ZNF254: variants seen among roughly 807,000 people sequenced by gnomAD.
The protein encoded by ZNF254 is zinc finger protein 254.
ZNF254 carries 10 observed loss-of-function variants against 12.4 expected under a neutral mutation model. That is an observed-to-expected ratio of 0.80 (90% CI 0.50 to 1.36). ZNF254 has a LOEUF of 1.36. ZNF254 is among the 40% of genes most tolerant of loss of function. ZNF254 has a pLI of 0.00. For missense variants in ZNF254, 996 were observed against 763.9 expected (o/e 1.30, Z -3.58); for synonymous variants, 305 against 253.4 (o/e 1.20, Z -1.93).
At chr19:24,104,352 A>G (rs1433056353) in intron 1 of ZNF254, 1 of 152,186 alleles carries the variant, frequency 6.6e-6, no homozygotes, top group Non-Finnish European at 1.5e-5. Flanking sequence ...AAATTTTTAA[A>G]GGCATATTGT....
intron 1 of ZNF254, among the ~76,000 whole-genome samples, chr19:24,101,216 A>T (rs1291945372): frequency 1.3e-5 from 2 of 152,014 alleles, no homozygotes; most frequent in African/African-American, 4.8e-5. Context: ...AGATCTTTTG[A>T]TTGTACTCTA....
chr19:24,122,808 A>C (rs1974574410), intron 3 of ZNF254, among the ~76,000 whole-genome samples: 1 of 149,734 alleles, frequency 6.7e-6, no homozygotes, highest in Admixed American at 6.7e-5. Flanking sequence ...ACAATGCTGC[A>C]ATAATTATCA....
At chr19:24,054,889 T>C (rs1970780240) in intron 2 of ZNF254, among the ~76,000 whole-genome samples, 1 of 152,164 alleles carries the variant, frequency 6.6e-6, no homozygotes, top group African/African-American at 2.4e-5. Context: ...CTCTCATTTA[T>C]ACTGGATAAA....
At chr19:24,076,772 C>A (rs1351067095) in intron 2 of ZNF254, among the ~76,000 whole-genome samples, 1 of 152,108 alleles carries the variant, frequency 6.6e-6, no homozygotes, top group Admixed American at 6.6e-5. Flanking sequence ...TTGTTTTATT[C>A]TGTCAAGTTT....
In ZNF254 at chr19:24,126,484, GTCT is replaced by G; in HGVS notation, c.488_490del (p.Phe163del). On this transcript the variant is annotated inframe_deletion, in exon 4 of 4. Transcript: ENST00000357002. ...ATTTCAATGTGATAAATATTTGAAA[GTCT>G]TCTATAAATTTTTAAATTCAAACAG... 1 of 1,587,478 alleles carries G rather than the reference GTCT, an allele frequency of 6.3e-7. No individual in the cohort carries two copies. Among genetic ancestry groups the G allele is most frequent in the South Asian group, 1.2e-5 (1 of 86,112 alleles).
intron 3 of ZNF254, among the ~76,000 whole-genome samples, chr19:24,121,005 G>A (rs940293130): frequency 1.3e-5 from 2 of 151,432 alleles, no homozygotes; most frequent in Admixed American, 1.3e-4. Flanking sequence ...TCTTAAAACT[G>A]CAGGATTACA....
intron 2 of ZNF254, chr19:24,066,302 ACT>A (rs1971267676): frequency 6.6e-6 from 1 of 151,936 alleles, no homozygotes; most frequent in Admixed American, 6.6e-5. Context: ...AGATGATGTG[ACT>A]CTCTTCTTCT....
intron 2 of ZNF254, among the ~76,000 whole-genome samples, chr19:24,057,193 A>G (rs934473196): frequency 6.6e-6 from 1 of 152,216 alleles, no homozygotes; most frequent in Admixed American, 6.5e-5. Context: ...TGATTTATGT[A>G]TGCACACTTT....
intron 2 of ZNF254, chr19:24,049,577 C>T (rs1200940067): frequency 6.6e-6 from 1 of 152,162 alleles, no homozygotes; most frequent in Non-Finnish European, 1.5e-5. Flanking sequence ...TGCCTTGGCA[C>T]TGCCCACAGA....
intron 1 of ZNF254, among the ~76,000 whole-genome samples, chr19:24,092,240 C>T (rs1269735764): frequency 1.3e-5 from 2 of 150,672 alleles, no homozygotes. Flanking sequence ...GATCTCGGCT[C>T]ACCTCAACCT....
At chr19:24,087,482 T>C in intron 1 of ZNF254, 145 bp downstream of exon 1, 6 of 1,056,478 alleles carry the variant, frequency 5.7e-6, no homozygotes, top group Non-Finnish European at 7.1e-6. Flanking sequence ...AGAAATAAGA[T>C]GGCGGCTGCG....
At chr19:24,090,259 A>G (rs1274971767) in intron 1 of ZNF254, among the ~76,000 whole-genome samples, 2 of 152,060 alleles carry the variant, frequency 1.3e-5, no homozygotes, top group Admixed American at 6.6e-5. Context: ...CTTGCAGAGT[A>G]AAATGCGCCT....
At position 24,106,013 on chromosome 19, in the gene ZNF254, A is replaced by T; in HGVS notation, c.104A>T (p.Gln35Leu). The change falls in exon 2 of 4, where the codon CAG becomes CTG. Residue 35 changes from glutamine to leucine, a missense_variant. Transcript: ENST00000357002. ...TGGCAACACCTGGACATTGCACAGCAGAATTTATATAGAAATGTGATGTTA... is the reference window on the plus strand; with the variant it reads ...TGGCAACACCTGGACATTGCACAGCTGAATTTATATAGAAATGTGATGTTA... The part of the protein sequence containing the change: ...EEWQHLDIAQ[Q>L]NLYRNVMLEN... 1.2e-6 allele frequency: 2 copies of T among 1,600,088 alleles called. No individual in the cohort carries two copies. The highest frequency in any genetic ancestry group is 1.7e-6 in the Non-Finnish European group (2 of 1,171,612).
intron 2 of ZNF254, among the ~76,000 whole-genome samples, chr19:24,047,465 C>T (rs1187658119): frequency 2.6e-5 from 4 of 151,716 alleles, no homozygotes; most frequent in Non-Finnish European, 5.9e-5. Context: ...GACGAGGCCT[C>T]GCTATGTTCC....
At chr19:24,091,974 G>A in intron 1 of ZNF254, 1 of 278,470 alleles carries the variant, frequency 3.6e-6, no homozygotes, top group Non-Finnish European at 5.4e-6. Flanking sequence ...CTGTCTCCCG[G>A]GTTCACGCCG....
intron 2 of ZNF254, among the ~76,000 whole-genome samples, chr19:24,049,212 A>ATTTTTTTTTTTT (rs1179977299): frequency 1.2e-4 from 5 of 42,216 alleles, no homozygotes; most frequent in African/African-American, 4.1e-4. Context: ...ATATATATAT[A>ATTTTTTTTTTTT]TATTTTTTTT....
intron 2 of ZNF254, among the ~76,000 whole-genome samples, chr19:24,067,872 A>G (rs529980518): frequency 1.3e-5 from 2 of 152,288 alleles, no homozygotes; most frequent in Non-Finnish European, 2.9e-5. Context: ...CCTGGCCACA[A>G]GAGTATTATG....
chr19:24,072,499 A>G (rs867516437), intron 2 of ZNF254, among the ~76,000 whole-genome samples: 7 of 152,050 alleles, frequency 4.6e-5, no homozygotes, highest in African/African-American at 1.7e-4. Flanking sequence ...AGCCCTGTGT[A>G]TTTTGGGTAT....
At chr19:24,038,995 C>T (rs578235594) in intron 1 of ZNF254, among the ~76,000 whole-genome samples, 1 of 152,302 alleles carries the variant, frequency 6.6e-6, no homozygotes, top group South Asian at 2.1e-4. Flanking sequence ...GGCAAGGGTG[C>T]CTTTGGCTTG....
Sources: allele counts gnomAD v4.1 joint callset (sites outside exome capture counted in the v4.1 genomes callset), GRCh38; gene constraint gnomAD v4.1.1; transcripts MANE v1.5; gene names NCBI Gene and HGNC (gene_info 2026-07-23, HGNC 2026-07-21).